CFDP1: variants seen among roughly 807,000 people sequenced by gnomAD.
CFDP1 encodes heterochromatin-stabilizing protein CFDP1.
A neutral mutation model predicts 40.1 loss-of-function variants in CFDP1; 31 were observed. The ratio of observed to expected loss-of-function variants is 0.77; its 90% CI spans 0.58 to 1.04. The LOEUF (loss-of-function observed/expected upper bound fraction) is 1.04, where lower values mean the gene tolerates loss of function less well. Ranked by LOEUF, CFDP1 falls within the 50% of genes least tolerant of loss-of-function variation. CFDP1 has a pLI of 0.00. For missense variants in CFDP1, 423 were observed against 343.4 expected (o/e 1.23, Z -1.83); for synonymous variants, 167 against 120.0 (o/e 1.39, Z -2.56).
At chr16:75,400,692 G>A (rs1018259099) in intron 4 of CFDP1, among the ~76,000 whole-genome samples, 8 of 152,190 alleles carry the variant, frequency 5.3e-5, no homozygotes, top group Admixed American at 3.9e-4. Flanking sequence ...GAAAATCTAT[G>A]TATTCATTCT....
At chr16:75,403,826 C>A (rs2079075892) in intron 4 of CFDP1, among the ~76,000 whole-genome samples, 1 of 152,080 alleles carries the variant, frequency 6.6e-6, no homozygotes, top group Admixed American at 6.6e-5. Flanking sequence ...ATTACTAATT[C>A]ATATCATCAA....
intron 5 of CFDP1, among the ~76,000 whole-genome samples, chr16:75,328,804 G>C (rs936059194): frequency 6.7e-6 from 1 of 149,580 alleles, no homozygotes; most frequent in South Asian, 2.1e-4. Context: ...TCAGCCTCCC[G>C]AGTAGCTGGG....
chr16:75,367,467 G>A (rs1252121695), intron 5 of CFDP1, among the ~76,000 whole-genome samples: 1 of 151,652 alleles, frequency 6.6e-6, no homozygotes, highest in South Asian at 2.1e-4. Flanking sequence ...GGATAAGGGG[G>A]CAGGGTGGGA....
At chr16:75,301,053 C>T (rs534863776) in intron 6 of CFDP1, among the ~76,000 whole-genome samples, 7 of 152,272 alleles carry the variant, frequency 4.6e-5, no homozygotes, top group South Asian at 4.2e-4. Context: ...TCTAGCTTTC[C>T]AGTAAGGCCT....
chr16:75,328,166 A>T, intron 5 of CFDP1, among the ~76,000 whole-genome samples: 1 of 138,716 alleles, frequency 7.2e-6, no homozygotes, highest in African/African-American at 2.7e-5. Flanking sequence ...TTTTTTTTTA[A>T]GAGACAGAGG....
At chr16:75,401,517 T>G (rs894383505) in intron 4 of CFDP1, among the ~76,000 whole-genome samples, 1 of 151,790 alleles carries the variant, frequency 6.6e-6, no homozygotes, top group African/African-American at 2.4e-5. Context: ...GGAGATTCGT[T>G]TGAACCCAGG....
intron 5 of CFDP1, among the ~76,000 whole-genome samples, chr16:75,311,723 T>A (rs1035141505): frequency 6.6e-6 from 1 of 152,060 alleles, no homozygotes; most frequent in African/African-American, 2.4e-5. Context: ...ATATGCAGTT[T>A]CCTTAGTATT....
At chr16:75,411,187 A>G (rs2079159453) in intron 4 of CFDP1, among the ~76,000 whole-genome samples, 1 of 152,070 alleles carries the variant, frequency 6.6e-6, no homozygotes, top group Admixed American at 6.6e-5. Context: ...CCTGTACTCC[A>G]GCCTGCACAA....
At chr16:75,361,525 G>A (rs1332902736) in intron 5 of CFDP1, among the ~76,000 whole-genome samples, 2 of 152,104 alleles carry the variant, frequency 1.3e-5, no homozygotes, top group Non-Finnish European at 2.9e-5. Flanking sequence ...GCTGAGGCAT[G>A]AGAATCGCTT....
At chr16:75,429,649 A>C (rs1402551824) in intron 1 of CFDP1, among the ~76,000 whole-genome samples, 1 of 152,198 alleles carries the variant, frequency 6.6e-6, no homozygotes, top group Non-Finnish European at 1.5e-5. Flanking sequence ...GCAAGACTCT[A>C]TCTCTAAATA....
intron 4 of CFDP1, among the ~76,000 whole-genome samples, chr16:75,399,911 G>A (rs1222520611): frequency 1.3e-5 from 2 of 152,014 alleles, no homozygotes; most frequent in Non-Finnish European, 2.9e-5. Flanking sequence ...AGACCAGCCT[G>A]ATCAACATGG....
chr16:75,422,432 C>A (rs147039765), intron 1 of CFDP1, among the ~76,000 whole-genome samples: 101 of 142,206 alleles, frequency 7.1e-4, no homozygotes, highest in African/African-American at 2.7e-3. Context: ...CAGAGTCTCG[C>A]TCTGTTGCCC....
At chr16:75,359,926 C>T (rs1446865214) in intron 5 of CFDP1, among the ~76,000 whole-genome samples, 1 of 152,132 alleles carries the variant, frequency 6.6e-6, no homozygotes, top group African/African-American at 2.4e-5. Flanking sequence ...CCAAAGAAAG[C>T]TGAAAATGAT....
chr16:75,416,903 GAC>G (rs2079212915), intron 1 of CFDP1, among the ~76,000 whole-genome samples: 2 of 152,188 alleles, frequency 1.3e-5, no homozygotes, highest in African/African-American at 4.8e-5. Flanking sequence ...AGGGCTAAGT[GAC>G]AGTGTTTCAT....
At chr16:75,297,935 T>A (rs2078195593) in intron 6 of CFDP1, among the ~76,000 whole-genome samples, 1 of 152,116 alleles carries the variant, frequency 6.6e-6, no homozygotes, top group African/African-American at 2.4e-5. Flanking sequence ...AAGGCGAGCA[T>A]CCCAAATCCA....
chr16:75,412,450 A>G (rs1597395097), intron 3 of CFDP1, 85 bp downstream of exon 3: 1 of 999,604 alleles, frequency 1.0e-6, no homozygotes. Context: ...ATCAAAAGGC[A>G]TCTGGTCGAT....
intron 4 of CFDP1, among the ~76,000 whole-genome samples, chr16:75,401,857 A>C (rs1176441966): frequency 1.3e-5 from 2 of 152,224 alleles, no homozygotes; most frequent in South Asian, 2.1e-4. Context: ...ATATAAAAAA[A>C]AATATGGCAT....
At chr16:75,411,685 A>G in intron 4 of CFDP1, 140 bp downstream of exon 4, 1 of 809,182 alleles carries the variant, frequency 1.2e-6, no homozygotes, top group South Asian at 1.7e-5. Context: ...TAATTTATAG[A>G]GCCAGTTTTC....
intron 1 of CFDP1, among the ~76,000 whole-genome samples, chr16:75,426,317 T>C (rs1221266782): frequency 6.6e-6 from 1 of 151,852 alleles, no homozygotes; most frequent in African/African-American, 2.4e-5. Context: ...GACATTGCAC[T>C]CCAGCCTGGG....
Sources: allele counts gnomAD v4.1 joint callset (sites outside exome capture counted in the v4.1 genomes callset), GRCh38; gene constraint gnomAD v4.1.1; transcripts MANE v1.5; gene names NCBI Gene and HGNC (gene_info 2026-07-23, HGNC 2026-07-21).